TANC2: variants seen among roughly 807,000 people sequenced by gnomAD.
TANC2 encodes the protein tetratricopeptide repeat, ankyrin repeat and coiled-coil containing 2, also known as protein TANC2.
In TANC2, 26 loss-of-function variants were observed where a neutral mutation model predicts 210.5. The ratio of observed to expected loss-of-function variants is 0.12; its 90% CI spans 0.09 to 0.17. TANC2 has a LOEUF of 0.17. Ranked by LOEUF, TANC2 falls within the 10% of genes least tolerant of loss-of-function variation. TANC2 has a pLI of 1.00. For missense variants in TANC2, 2,129 were observed against 2,608.9 expected (o/e 0.82, Z 4.01); for synonymous variants, 931 against 967.1 (o/e 0.96, Z 0.69).
intron 1 of TANC2, among the ~76,000 whole-genome samples, chr17:63,009,262 T>C (rs2033760239): frequency 1.3e-5 from 2 of 152,070 alleles, no homozygotes; most frequent in South Asian, 2.1e-4. Flanking sequence ...TTTTTTCTTT[T>C]TAAATTTTTA....
intron 5 of TANC2, among the ~76,000 whole-genome samples, chr17:63,157,390 A>G (rs978954462): frequency 3.9e-5 from 6 of 152,194 alleles, no homozygotes; most frequent in African/African-American, 1.2e-4. Flanking sequence ...TGGCCTCTGA[A>G]TGTGGTGTTT....
At chr17:62,978,009 A>T (rs376579487) in intron 1 of TANC2, among the ~76,000 whole-genome samples, 1 of 152,202 alleles carries the variant, frequency 6.6e-6, no homozygotes, top group East Asian at 1.9e-4. Flanking sequence ...CTATCACTTC[A>T]GTTCAGTAAA....
intron 9 of TANC2, among the ~76,000 whole-genome samples, chr17:63,288,586 C>G (rs1305991482): frequency 6.6e-6 from 1 of 152,072 alleles, no homozygotes; most frequent in Non-Finnish European, 1.5e-5. Context: ...ATTTTTCTGC[C>G]TGTTGGATCT....
chr17:63,147,793 G>A (rs764320034), intron 4 of TANC2, among the ~76,000 whole-genome samples: 2 of 152,082 alleles, frequency 1.3e-5, no homozygotes, highest in South Asian at 2.1e-4. Context: ...ATAACATATT[G>A]TATTTTCTTC....
chr17:63,307,436 A>G (rs545271028), intron 9 of TANC2, among the ~76,000 whole-genome samples: 13 of 152,274 alleles, frequency 8.5e-5, no homozygotes, highest in African/African-American at 3.1e-4. Context: ...CCTTCCCCCG[A>G]TGTAATCTAA....
chr17:63,355,592 C>G (rs2146909019), intron 14 of TANC2, among the ~76,000 whole-genome samples: 1 of 152,280 alleles, frequency 6.6e-6, no homozygotes, highest in African/African-American at 2.4e-5. Context: ...TCAACATCTG[C>G]ATAGATATTT....
intron 2 of TANC2, among the ~76,000 whole-genome samples, chr17:63,064,446 G>T (rs1472319335): frequency 6.6e-6 from 1 of 152,098 alleles, no homozygotes. Flanking sequence ...GTGACAGAGC[G>T]AGACCCTATC....
At chr17:63,000,230 G>A (rs1017451318) in intron 1 of TANC2, among the ~76,000 whole-genome samples, 2 of 151,872 alleles carry the variant, frequency 1.3e-5, no homozygotes, top group South Asian at 4.1e-4. Flanking sequence ...TCTACAATAA[G>A]TTAAAATAAA....
chr17:63,018,881 A>G (rs976522024), intron 2 of TANC2, among the ~76,000 whole-genome samples: 6 of 152,160 alleles, frequency 3.9e-5, no homozygotes, highest in African/African-American at 1.4e-4. Flanking sequence ...TCGTGTATCA[A>G]TATTTGTTGC....
intron 15 of TANC2, among the ~76,000 whole-genome samples, chr17:63,386,874 A>G (rs997222820): frequency 5.9e-5 from 9 of 151,802 alleles, no homozygotes; most frequent in Non-Finnish European, 1.3e-4. Context: ...TTTTTTTGAG[A>G]CAAAGCCTCA....
intron 3 of TANC2, among the ~76,000 whole-genome samples, chr17:63,096,133 A>G (rs574073191): frequency 1.3e-5 from 2 of 152,262 alleles, no homozygotes; most frequent in South Asian, 2.1e-4. Flanking sequence ...GCAATTTCAT[A>G]TGAATCAATG....
intron 4 of TANC2, chr17:63,130,797 C>T (rs1197261085): frequency 6.6e-6 from 1 of 152,182 alleles, no homozygotes; most frequent in Non-Finnish European, 1.5e-5. Context: ...AGCTCTGATT[C>T]AGTAAGTTTA....
At chr17:63,158,179 A>G (rs191991217) in intron 5 of TANC2, among the ~76,000 whole-genome samples, 8 of 152,250 alleles carry the variant, frequency 5.3e-5, no homozygotes, top group South Asian at 4.1e-4. Flanking sequence ...TGGCTGTGCT[A>G]CTTTATTAGC....
At chr17:63,272,398 G>T (rs907744175) in intron 9 of TANC2, among the ~76,000 whole-genome samples, 2 of 152,108 alleles carry the variant, frequency 1.3e-5, no homozygotes, top group African/African-American at 4.8e-5. Flanking sequence ...GGTGCTTCCA[G>T]CATTGTTCTT....
chr17:63,018,602 G>A (rs949824391), intron 2 of TANC2, among the ~76,000 whole-genome samples: 1 of 152,156 alleles, frequency 6.6e-6, no homozygotes, highest in Non-Finnish European at 1.5e-5. Flanking sequence ...AAACTGTATA[G>A]TATAATATCA....
chr17:63,175,644 G>A (rs1328068475), intron 5 of TANC2, among the ~76,000 whole-genome samples: 1 of 151,744 alleles, frequency 6.6e-6, no homozygotes, highest in East Asian at 1.9e-4. Flanking sequence ...AGAAATGTGA[G>A]TCATAAAAGA....
intron 5 of TANC2, chr17:63,151,915 C>T (rs1388346530): frequency 6.6e-6 from 1 of 152,108 alleles, no homozygotes; most frequent in Non-Finnish European, 1.5e-5. Context: ...CAGATACTTA[C>T]TTTTAGAAAT....
At position 63,095,424 on chromosome 17, in the gene TANC2, G is replaced by A. The variant is rs537569744; in HGVS notation, c.140-3751G>A. Among the ~76,000 whole-genome samples, 9 of 152,214 alleles carry A rather than the reference G, an allele frequency of 5.9e-5. No individual in the cohort carries two copies. In the East Asian group the frequency reaches 9.7e-4, roughly 16 times the overall value. On this transcript the variant is annotated intron_variant, in intron 3 of 27. Coordinates refer to ENST00000689528, the Ensembl canonical transcript of TANC2. ...GGCTTCAAACAACCCTCCTGCCTCA[G>A]CCTCCCAAAGTGCTGGGATTTCAAA...
rs2048978786 is a variant in TANC2 at position 63,420,139 on chromosome 17, A to G, written c.4409A>G (p.Gln1470Arg). ...CCACAGCAGCCACCGCCGCCACCGC[A>G]GCCTCAGCAGCAGTTGCCGGAAGAA... is the stretch of plus-strand genomic sequence containing the variant. The change falls in exon 28 of 28, where the codon CAG becomes CGG. Residue 1470 changes from glutamine (Q) to arginine (R), a missense_variant. Transcript: ENST00000689528. This position sits in a 1 kb window ranked among gnomAD's most constrained non-coding sequence, Gnocchi z 4.2. 1.9e-6 allele frequency: 3 copies of G among 1,557,156 alleles called. No homozygotes were observed. The African/African-American group carries it at 4.1e-5, about 21-fold the overall frequency.
Sources: allele counts gnomAD v4.1 joint callset (sites outside exome capture counted in the v4.1 genomes callset), GRCh38; gene constraint gnomAD v4.1.1; non-coding constraint Gnocchi (gnomAD v3.1); transcripts MANE v1.5; gene names NCBI Gene and HGNC (gene_info 2026-07-23, HGNC 2026-07-21).